PRKN: variants seen among roughly 807,000 people sequenced by gnomAD.
PRKN encodes the protein parkin RBR E3 ubiquitin protein ligase.
PRKN carries 56 observed loss-of-function variants against 59.5 expected under a neutral mutation model. The ratio of observed to expected loss-of-function variants is 0.94; its 90% CI spans 0.76 to 1.18. The LOEUF is 1.18. Among genes scored for constraint, PRKN ranks in the 50% most tolerant of loss-of-function variants. The pLI, the probability that PRKN is intolerant of heterozygous loss-of-function variation, is 0.00. For synonymous variants in PRKN, 250 were observed against 222.1 expected (o/e 1.13, Z -1.12); for missense variants, 657 against 596.4 (o/e 1.10, Z -1.06).
intron 6 of PRKN, among the ~76,000 whole-genome samples, chr6:161,875,085 G>T (rs866460681): frequency 2.4e-5 from 2 of 84,816 alleles, no homozygotes; most frequent in African/African-American, 6.3e-5. Context: ...AAGTATATAT[G>T]ATATATTATA....
At chr6:162,384,744 A>G (rs1481781032) in intron 2 of PRKN, among the ~76,000 whole-genome samples, 1 of 151,924 alleles carries the variant, frequency 6.6e-6, no homozygotes, top group Non-Finnish European at 1.5e-5. Context: ...ATACCAGCAA[A>G]TATTTATTAC....
At chr6:162,551,612 G>A (rs927455636) in intron 1 of PRKN, among the ~76,000 whole-genome samples, 1 of 152,104 alleles carries the variant, frequency 6.6e-6, no homozygotes, top group Admixed American at 6.5e-5. Context: ...CTAAGTACAT[G>A]GTTGAGTTTT....
intron 4 of PRKN, among the ~76,000 whole-genome samples, chr6:162,129,580 A>G (rs1781259662): frequency 6.6e-6 from 1 of 152,212 alleles, no homozygotes; most frequent in African/African-American, 2.4e-5. Context: ...AACGTTCCTC[A>G]ATGTACCAAA....
intron 5 of PRKN, among the ~76,000 whole-genome samples, chr6:162,034,186 T>TATATAGAGAGAGAGAGAG (rs1349695864): frequency 7.5e-6 from 1 of 133,286 alleles, no homozygotes; most frequent in African/African-American, 2.9e-5. Context: ...TATATATATA[T>TATATAGAGAGAGAGAGAG]AGAGAGAGAG....
chr6:162,191,228 A>AT (rs1272678904), intron 4 of PRKN, among the ~76,000 whole-genome samples: 1 of 151,954 alleles, frequency 6.6e-6, no homozygotes, highest in Non-Finnish European at 1.5e-5. Context: ...TAGGAATCCG[A>AT]TTTTTTTTGG....
chr6:162,466,923 A>G (rs1791444312), intron 1 of PRKN, among the ~76,000 whole-genome samples: 1 of 152,150 alleles, frequency 6.6e-6, no homozygotes, highest in African/African-American at 2.4e-5. Context: ...TCGTTTCAAT[A>G]AATAAGCAGC....
chr6:162,029,406 C>G (rs1783556214), intron 5 of PRKN, among the ~76,000 whole-genome samples: 1 of 152,198 alleles, frequency 6.6e-6, no homozygotes. Flanking sequence ...ATTAGTAAGG[C>G]AAGTTCCTGA....
intron 4 of PRKN, among the ~76,000 whole-genome samples, chr6:162,145,737 C>G (rs371148214): frequency 6.6e-6 from 1 of 152,074 alleles, no homozygotes; most frequent in Non-Finnish European, 1.5e-5. Flanking sequence ...AGTGTTGGCC[C>G]GCAATCAGCA....
At chr6:162,023,087 G>A (rs1465883762) in intron 5 of PRKN, among the ~76,000 whole-genome samples, 1 of 152,054 alleles carries the variant, frequency 6.6e-6, no homozygotes, top group Non-Finnish European at 1.5e-5. Flanking sequence ...CGGTGGGGGT[G>A]TGGCTTGCTT....
intron 7 of PRKN, among the ~76,000 whole-genome samples, chr6:161,727,901 A>C: frequency 6.6e-6 from 1 of 152,188 alleles, no homozygotes; most frequent in East Asian, 1.9e-4. Context: ...TTTAATGAAA[A>C]GAAAACCCAA....
Position 161,379,227 on chromosome 6 carries a change from C to T in PRKN, c.1167+7567G>A, listed in dbSNP as rs888215595. Among the ~76,000 whole-genome samples the T allele has an allele frequency of 1.3e-5, 2 of 152,116 alleles. No homozygotes were observed. The highest frequency in any genetic ancestry group is 4.8e-5 in the African/African-American group (2 of 41,410). On this transcript the variant is annotated intron_variant, in intron 10 of 11. Transcript: ENST00000366898. This position sits in a 1 kb window ranked among gnomAD's most constrained non-coding sequence, Gnocchi z 4.9. ...CAGTAGTCATGGCTTTAGAATGGCA[C>T]CCAGGAGCCTGGACCCATCAGGGAT... is the stretch of plus-strand genomic sequence containing the variant.
chr6:162,509,817 G>A (rs1157160327), intron 1 of PRKN, among the ~76,000 whole-genome samples: 1 of 152,116 alleles, frequency 6.6e-6, no homozygotes, highest in Non-Finnish European at 1.5e-5. Flanking sequence ...TTCTGAATTT[G>A]AAAGGCAATT....
chr6:161,350,018 T>C lies in PRKN; in HGVS notation c.*81A>G. 1.0e-6 allele frequency: 1 copy of C among 953,352 alleles called. No homozygotes were observed. Among genetic ancestry groups the C allele is most frequent in the Admixed American group, 1.9e-5 (1 of 52,378 alleles). The allele number at this position is 953,352 out of a possible 1,614,324, so 59.1% of individuals were successfully genotyped here. ...CGCGCGCGCGCGTGTGTGTGTGTGTTTGAAAAGAGAATTAGAAAATGAAGG... is the reference window on the plus strand; with the variant it reads ...CGCGCGCGCGCGTGTGTGTGTGTGTCTGAAAAGAGAATTAGAAAATGAAGG... On this transcript the variant is annotated 3_prime_UTR_variant, in exon 12 of 12. Coordinates refer to ENST00000366898, the MANE Select transcript of PRKN (RefSeq NM_004562.3).
intron 2 of PRKN, among the ~76,000 whole-genome samples, chr6:162,427,768 C>G (rs1305158396): frequency 6.6e-6 from 1 of 152,018 alleles, no homozygotes; most frequent in East Asian, 1.9e-4. Flanking sequence ...GCCTCAGCCT[C>G]CCGGGTAGCT....
chr6:162,697,557 C>A (rs748609568), intron 1 of PRKN, among the ~76,000 whole-genome samples: 2 of 152,092 alleles, frequency 1.3e-5, no homozygotes, highest in Non-Finnish European at 2.9e-5. Context: ...ATAAAACAAA[C>A]CAGGTGCTGC....
intron 6 of PRKN, among the ~76,000 whole-genome samples, chr6:161,804,951 T>A (rs1791244908): frequency 6.6e-6 from 1 of 152,216 alleles, no homozygotes; most frequent in African/African-American, 2.4e-5. Context: ...GTTGGACTAT[T>A]AACTGAGACT....
intron 2 of PRKN, among the ~76,000 whole-genome samples, chr6:162,364,765 G>A (rs1015271342): frequency 6.6e-6 from 1 of 152,136 alleles, no homozygotes; most frequent in Non-Finnish European, 1.5e-5. Flanking sequence ...CAGGAAGAGG[G>A]AGGAGAGGCT....
At chr6:162,440,993 T>C (rs1310535221) in intron 2 of PRKN, among the ~76,000 whole-genome samples, 1 of 152,088 alleles carries the variant, frequency 6.6e-6, no homozygotes, top group Admixed American at 6.6e-5. Context: ...ACAGTGAAAC[T>C]CTTCTATGAA....
chr6:161,406,815 G>A (rs957359919), intron 9 of PRKN, among the ~76,000 whole-genome samples: 3 of 152,110 alleles, frequency 2.0e-5, no homozygotes, highest in Admixed American at 2.0e-4. Flanking sequence ...CCACAATCTG[G>A]AATTTGCAAA....
Sources: allele counts gnomAD v4.1 joint callset (sites outside exome capture counted in the v4.1 genomes callset), GRCh38; gene constraint gnomAD v4.1.1; non-coding constraint Gnocchi (gnomAD v3.1); transcripts MANE v1.5; gene names NCBI Gene and HGNC (gene_info 2026-07-23, HGNC 2026-07-21).